Variants in NBDY observed in about 807,000 individuals in gnomAD.
The protein encoded by NBDY is P-body dissociating protein.
chrX:56,812,042 A>G (rs964120915), intron 2 of NBDY, among the ~76,000 whole-genome samples: 2 of 110,727 alleles, frequency 1.8e-5, no homozygotes, highest in Non-Finnish European at 1.9e-5. Flanking sequence ...GTGAGGTGAC[A>G]CCCCTACCCT....
intron 2 of NBDY, among the ~76,000 whole-genome samples, chrX:56,749,509 A>AACG (rs1221477487): frequency 1.8e-5 from 2 of 111,473 alleles, no homozygotes; most frequent in African/African-American, 6.5e-5. Flanking sequence ...TACCTACAAA[A>AACG]ACGCTGCTCT....
At chrX:56,781,833 G>A (rs2069693577) in intron 2 of NBDY, among the ~76,000 whole-genome samples, 2 of 111,636 alleles carry the variant, frequency 1.8e-5, no homozygotes, top group African/African-American at 6.5e-5. Context: ...TATTGCCATG[G>A]GTGGCTGATT....
intron 2 of NBDY, among the ~76,000 whole-genome samples, chrX:56,801,809 TCTCA>T (rs1248597832): frequency 9.0e-6 from 1 of 110,585 alleles, no homozygotes; most frequent in East Asian, 2.8e-4. Context: ...ATTTGCCCAC[TCTCA>T]CTCACACAGG....
chrX:56,766,849 C>G lies in NBDY; in HGVS notation c.*166+34650C>G, dbSNP rs745379892. Among the ~76,000 whole-genome samples, 12 of 112,510 alleles carry G rather than the reference C, an allele frequency of 1.1e-4. No individual in the cohort carries two copies. In the East Asian group the frequency reaches 3.1e-3, roughly 29 times the overall value. ...TACTTGGTGGCCTTCCCCAGCCTCTCTGAGCCACCCTCCTCCCAACCCTAC... is the reference window on the plus strand; with the variant it reads ...TACTTGGTGGCCTTCCCCAGCCTCTGTGAGCCACCCTCCTCCCAACCCTAC... On this transcript the variant is annotated intron_variant, in intron 2 of 2. Transcript: ENST00000374922.
At chrX:56,750,818 G>A (rs1602652950) in intron 2 of NBDY, among the ~76,000 whole-genome samples, 1 of 110,725 alleles carries the variant, frequency 9.0e-6, no homozygotes, top group Admixed American at 9.6e-5. Flanking sequence ...CCCATTCCCC[G>A]GTTTGGACCC....
At chrX:56,750,177 G>A (rs2069577286) in intron 2 of NBDY, among the ~76,000 whole-genome samples, 1 of 111,209 alleles carries the variant, frequency 9.0e-6, no homozygotes, top group South Asian at 3.8e-4. Flanking sequence ...TGTGAGAATG[G>A]CTAATGCATT....
chrX:56,801,102 A>G (rs2069820281), intron 2 of NBDY, among the ~76,000 whole-genome samples: 1 of 111,455 alleles, frequency 9.0e-6, no homozygotes, highest in Non-Finnish European at 1.9e-5. Flanking sequence ...CTTGTAGATC[A>G]AAGCCCTTGA....
chrX:56,817,055 C>T (rs2069914068), intron 2 of NBDY, among the ~76,000 whole-genome samples: 1 of 111,095 alleles, frequency 9.0e-6, no homozygotes, highest in Admixed American at 9.6e-5. Flanking sequence ...AGAAATATGC[C>T]TAAGATAATA....
chrX:56,781,630 T>G (rs2069691480), intron 2 of NBDY, among the ~76,000 whole-genome samples: 1 of 112,095 alleles, frequency 8.9e-6, no homozygotes, highest in Admixed American at 9.4e-5. Context: ...TTCACTTTTT[T>G]CTTCTTCACT....
At chrX:56,791,901 GTTC>G (rs770672053) in intron 2 of NBDY, among the ~76,000 whole-genome samples, 16 of 105,392 alleles carry the variant, frequency 1.5e-4, no homozygotes, top group Middle Eastern at 9.7e-3. Flanking sequence ...TGTTGTTGTT[GTTC>G]TTCTTCTTCT....
intron 2 of NBDY, among the ~76,000 whole-genome samples, chrX:56,812,777 T>C (rs1026791674): frequency 7.2e-5 from 8 of 111,588 alleles, no homozygotes; most frequent in Non-Finnish European, 1.5e-4. Context: ...CTGCCACTTG[T>C]TGTTGTTCTT....
intron 2 of NBDY, among the ~76,000 whole-genome samples, chrX:56,765,198 C>A (rs1436488173): frequency 4.5e-5 from 5 of 111,964 alleles, no homozygotes; most frequent in African/African-American, 1.6e-4. Context: ...TCTAGCTGAC[C>A]CCTGCGAGGA....
intron 2 of NBDY, among the ~76,000 whole-genome samples, chrX:56,767,555 C>CGGCAT (rs1569288271): frequency 8.8e-6 from 1 of 113,147 alleles, no homozygotes; most frequent in African/African-American, 3.2e-5. Flanking sequence ...AGTTGCCGGT[C>CGGCAT]GGCATGAGCT....
intron 2 of NBDY, among the ~76,000 whole-genome samples, chrX:56,753,796 GA>G (rs55974029): frequency 0.21 from 22,175 of 108,132 alleles, 2,269 homozygotes; most frequent in Non-Finnish European, 0.31. Flanking sequence ...AGAAGGGAAG[GA>G]AAAAAAAACA....
chrX:56,815,231 A>G (rs1254510305), intron 2 of NBDY, among the ~76,000 whole-genome samples: 1 of 111,828 alleles, frequency 8.9e-6, no homozygotes, highest in Admixed American at 9.5e-5. Flanking sequence ...AGTATCTGGT[A>G]AAGAGATTTA....
At chrX:56,810,081 C>T (rs1047673366) in intron 2 of NBDY, among the ~76,000 whole-genome samples, 5 of 111,477 alleles carry the variant, frequency 4.5e-5, no homozygotes, top group Non-Finnish European at 9.4e-5. Flanking sequence ...AATATTGGCC[C>T]CCACTCTTTT....
At chrX:56,735,801 C>G (rs969457899) in intron 2 of NBDY, among the ~76,000 whole-genome samples, 7 of 111,476 alleles carry the variant, frequency 6.3e-5, no homozygotes, top group African/African-American at 2.0e-4. Flanking sequence ...TCTTTTCTGC[C>G]TCCTTCTGCG....
At chrX:56,815,355 G>T (rs1168633829) in intron 2 of NBDY, among the ~76,000 whole-genome samples, 1 of 111,396 alleles carries the variant, frequency 9.0e-6, no homozygotes, top group African/African-American at 3.3e-5. Context: ...TCATGACTAA[G>T]AAATTTTGGA....
At chrX:56,734,692 C>G (rs1264382119) in intron 2 of NBDY, among the ~76,000 whole-genome samples, 2 of 111,574 alleles carry the variant, frequency 1.8e-5, no homozygotes, top group African/African-American at 6.5e-5. Flanking sequence ...AGGTAACACC[C>G]AAGGGGAGTA....
Sources: allele counts gnomAD v4.1 joint callset (sites outside exome capture counted in the v4.1 genomes callset), GRCh38; gene constraint gnomAD v4.1.1; transcripts MANE v1.5; gene names NCBI Gene and HGNC (gene_info 2026-07-23, HGNC 2026-07-21).